METTL25: variants seen among roughly 807,000 people sequenced by gnomAD.
METTL25 encodes the protein methyltransferase like 25, also known as probable methyltransferase-like protein 25.
A neutral mutation model predicts 71.6 loss-of-function variants in METTL25; 64 were observed. The observed-to-expected ratio is 0.89, with a 90% CI of 0.73 to 1.10. The LOEUF is 1.10. Ranked by LOEUF, METTL25 falls within the 50% of genes least tolerant of loss-of-function variation. The pLI is 0.00. For synonymous variants in METTL25, 287 were observed against 250.3 expected (o/e 1.15, Z -1.38); for missense variants, 807 against 707.0 (o/e 1.14, Z -1.60).
At position 82,458,304 on chromosome 12, in the gene METTL25, G is replaced by A. The variant is rs1300666318; in HGVS notation, c.1572+1484G>A. On this transcript the variant is annotated intron_variant, in intron 9 of 11. Coordinates refer to ENST00000248306, the MANE Select transcript of METTL25 (RefSeq NM_032230.3). Reference sequence around the variant, plus strand: ...CTTCCAGTCCAGCATATAAAAGCTTGGAAACTGCCACTCAGTCTTAGCAAG... The same window carrying A: ...CTTCCAGTCCAGCATATAAAAGCTTAGAAACTGCCACTCAGTCTTAGCAAG... 2.6e-5 allele frequency among the ~76,000 whole-genome samples: 4 copies of A among 152,188 alleles called. No individual in the cohort carries two copies. The East Asian group carries it at 5.8e-4, about 22-fold the overall frequency.
chr12:82,431,933 G>T (rs1490102142), intron 6 of METTL25, among the ~76,000 whole-genome samples: 1 of 151,520 alleles, frequency 6.6e-6, no homozygotes, highest in African/African-American at 2.4e-5. Context: ...AAAACTGTAT[G>T]GAAAGTGAAA....
chr12:82,425,087 T>A (rs917198941), intron 5 of METTL25, among the ~76,000 whole-genome samples: 2 of 151,986 alleles, frequency 1.3e-5, no homozygotes, highest in East Asian at 1.9e-4. Context: ...AGATAAGATA[T>A]CCTAGAGAAG....
intron 5 of METTL25, among the ~76,000 whole-genome samples, chr12:82,430,486 T>C (rs1889393455): frequency 6.6e-6 from 1 of 151,672 alleles, no homozygotes; most frequent in African/African-American, 2.4e-5. Flanking sequence ...TGAATTTATA[T>C]TGTCCTATAA....
Position 82,399,371 on chromosome 12 carries a change from C to A in METTL25, c.1108C>A (p.His370Asn). The change falls in exon 4 of 12, where the codon CAT becomes AAT. Residue 370 changes from histidine (H) to asparagine (N), a missense_variant. His to Asn is a moderately conservative substitution (Grantham distance 68). Coordinates refer to ENST00000248306, the MANE Select transcript of METTL25 (RefSeq NM_032230.3). The part of the protein sequence containing the change: ...TSFITADSEL[H>N]DIIKDLEDCL... The stretch of plus-strand genomic sequence containing the variant: ...TTTTATCACTGCTGATTCAGAACTC[C>A]ATGACATTATTAAAGATTTGGAGGT... 1 of 1,579,056 alleles carries A rather than the reference C, an allele frequency of 6.3e-7. No homozygotes were observed. The highest frequency in any genetic ancestry group is 8.6e-7 in the Non-Finnish European group (1 of 1,167,508).
intron 6 of METTL25, among the ~76,000 whole-genome samples, chr12:82,432,837 A>G (rs1477036085): frequency 6.7e-6 from 1 of 148,676 alleles, no homozygotes; most frequent in African/African-American, 2.5e-5. Flanking sequence ...TTTTTGAAAA[A>G]TATTCAAATC....
chr12:82,469,595 G>A (rs1892451987), intron 9 of METTL25, among the ~76,000 whole-genome samples: 2 of 151,850 alleles, frequency 1.3e-5, no homozygotes, highest in South Asian at 4.2e-4. Flanking sequence ...GGGATTATGG[G>A]GACTGCAATT....
chr12:82,386,896 A>T lies in METTL25; in HGVS notation c.353A>T (p.Gln118Leu), dbSNP rs758382880. ...CTGGCTGCGAAATACTATTCTGTAC[A>T]AAACTTGGGAATATGTACTCCTTTT... ...FALAAKYYSV[Q>L]NLGICTPFEQ... Residue 118 changes from glutamine to leucine, a missense_variant, in exon 2 of 12, where the codon CAA becomes CTA. Physicochemically the swap from Gln to Leu is moderately radical, Grantham distance 113. Transcript: ENST00000248306. 3.7e-6 allele frequency: 6 copies of T among 1,613,424 alleles called. No individual in the cohort carries two copies. In the African/African-American group the frequency reaches 6.7e-5, roughly 18 times the overall value.
chr12:82,389,496 T>C (rs201757691), intron 2 of METTL25, among the ~76,000 whole-genome samples: 3 of 152,100 alleles, frequency 2.0e-5, no homozygotes, highest in African/African-American at 7.2e-5. Flanking sequence ...GTTGGAATTA[T>C]CTTCTTTCAT....
At chr12:82,387,501 T>TA (rs955168288) in intron 2 of METTL25, among the ~76,000 whole-genome samples, 45 of 147,082 alleles carry the variant, frequency 3.1e-4, no homozygotes, top group South Asian at 6.4e-4. Context: ...AGGCTGTGGT[T>TA]AAAAAAAAAA....
At chr12:82,433,317 C>G (rs1889665369) in intron 6 of METTL25, among the ~76,000 whole-genome samples, 1 of 151,370 alleles carries the variant, frequency 6.6e-6, no homozygotes, top group African/African-American at 2.4e-5. Context: ...GAAATTAGCA[C>G]AAGGAGTACC....
chr12:82,456,553 A>G (rs965419471), intron 8 of METTL25, among the ~76,000 whole-genome samples, 174 bp from the exon 9 acceptor site: 21 of 151,996 alleles, frequency 1.4e-4, no homozygotes, highest in African/African-American at 3.9e-4. Flanking sequence ...CAGATCCTGA[A>G]TACATTATAA....
At chr12:82,376,087 C>G (rs1883823949) in intron 1 of METTL25, among the ~76,000 whole-genome samples, 1 of 152,150 alleles carries the variant, frequency 6.6e-6, no homozygotes, top group Non-Finnish European at 1.5e-5. Flanking sequence ...TATACTTTTT[C>G]TAGATTAAGT....
chr12:82,362,336 G>A (rs570729430), intron 1 of METTL25, among the ~76,000 whole-genome samples: 1 of 152,322 alleles, frequency 6.6e-6, no homozygotes, highest in Admixed American at 6.5e-5. Context: ...GCACTTAGTA[G>A]CTGTGCTAAC....
chr12:82,464,994 C>G (rs980679732), intron 9 of METTL25, among the ~76,000 whole-genome samples: 6 of 151,438 alleles, frequency 4.0e-5, no homozygotes, highest in African/African-American at 9.7e-5. Context: ...AGTTCTAAGA[C>G]TTTTTTTGGT....
chr12:82,422,962 C>A (rs1369698305), intron 5 of METTL25, among the ~76,000 whole-genome samples: 1 of 152,138 alleles, frequency 6.6e-6, no homozygotes, highest in African/African-American at 2.4e-5. Flanking sequence ...GTGAAAATGG[C>A]CATACTGCCC....
chr12:82,433,919 TTA>T (rs986729073), intron 6 of METTL25, among the ~76,000 whole-genome samples: 1 of 151,318 alleles, frequency 6.6e-6, no homozygotes, highest in African/African-American at 2.4e-5. Flanking sequence ...TAGCTAAAAA[TTA>T]TATATATTTG....
At chr12:82,359,919 TTAAG>T (rs2136774252) in intron 1 of METTL25, among the ~76,000 whole-genome samples, 1 of 152,392 alleles carries the variant, frequency 6.6e-6, no homozygotes, top group South Asian at 2.1e-4. Context: ...TGTTGTTTTT[TTAAG>T]TAATTGTTAT....
intron 1 of METTL25, among the ~76,000 whole-genome samples, chr12:82,373,250 C>T (rs1044205499): frequency 4.6e-5 from 7 of 152,020 alleles, no homozygotes; most frequent in Non-Finnish European, 1.0e-4. Flanking sequence ...GGAAGAGTGA[C>T]ACCTTTTGTC....
rs547251382 is a variant in METTL25, at chr12:82,428,160, C to T, written c.1280-2733C>T. On this transcript the variant is annotated intron_variant, in intron 5 of 11. Coordinates refer to ENST00000248306, the MANE Select transcript of METTL25 (RefSeq NM_032230.3). ...CATACCCCCCCATCCCTTTTAAGTA[C>T]GTGACCTGGAATTTGCACATATAAT... is the stretch of plus-strand genomic sequence containing the variant. Among the ~76,000 whole-genome samples the T allele has an allele frequency of 3.5e-4, 53 of 151,984 alleles. No homozygotes were observed. The South Asian group carries it at 8.7e-3, about 25-fold the overall frequency.
Sources: allele counts gnomAD v4.1 joint callset (sites outside exome capture counted in the v4.1 genomes callset), GRCh38; gene constraint gnomAD v4.1.1; transcripts MANE v1.5; gene names NCBI Gene and HGNC (gene_info 2026-07-23, HGNC 2026-07-21).